EYS: variants seen among roughly 807,000 people sequenced by gnomAD.
EYS encodes EGF-like photoreceptor maintenance factor.
EYS carries 250 observed loss-of-function variants against 282.1 expected under a neutral mutation model. The observed-to-expected ratio is 0.89, with a 90% confidence interval of 0.80 to 0.98. EYS has a LOEUF of 0.98. Ranked by LOEUF, EYS falls within the 50% of genes least tolerant of loss-of-function variation. The probability of loss-of-function intolerance (pLI) is 0.00; values close to 1 mark genes in which losing one functional copy is unlikely to be tolerated. For missense variants in EYS, 4,016 were observed against 3,709.0 expected (o/e 1.08, Z -2.15); for synonymous variants, 1,355 against 1,282.9 (o/e 1.06, Z -1.20).
intron 26 of EYS, among the ~76,000 whole-genome samples, chr6:64,570,770 C>G (rs977717952): frequency 2.0e-5 from 3 of 152,054 alleles, no homozygotes; most frequent in Non-Finnish European, 4.4e-5. Flanking sequence ...TACAGGAGCA[C>G]CAGATCCATA....
At chr6:65,376,572 A>G (rs985878628) in intron 8 of EYS, among the ~76,000 whole-genome samples, 2 of 152,184 alleles carry the variant, frequency 1.3e-5, no homozygotes, top group Non-Finnish European at 2.9e-5. Flanking sequence ...ATTCAAAGAC[A>G]CAGAATGGCA....
At chr6:65,694,642 G>A (rs1256152639) in intron 1 of EYS, among the ~76,000 whole-genome samples, 2 of 148,804 alleles carry the variant, frequency 1.3e-5, no homozygotes, top group Non-Finnish European at 3.0e-5. Context: ...TGGAATCCCA[G>A]ACCCAACACT....
At chr6:64,331,295 C>G (rs1026935282) in intron 29 of EYS, among the ~76,000 whole-genome samples, 8 of 152,114 alleles carry the variant, frequency 5.3e-5, no homozygotes, top group Non-Finnish European at 4.4e-5. Context: ...GGAAATAGAG[C>G]AGCTCTTAGA....
At chr6:65,108,349 G>A (rs1449785814) in intron 12 of EYS, among the ~76,000 whole-genome samples, 1 of 152,126 alleles carries the variant, frequency 6.6e-6, no homozygotes, top group Non-Finnish European at 1.5e-5. Context: ...TCAGGCTGGA[G>A]TGCAGTGGCT....
At chr6:63,821,059 C>A (rs950853880) in intron 36 of EYS, among the ~76,000 whole-genome samples, 1 of 151,854 alleles carries the variant, frequency 6.6e-6, no homozygotes, top group African/African-American at 2.4e-5. Flanking sequence ...TGAATTATAT[C>A]TTCTCATCTG....
At chr6:65,405,561 G>A (rs1766701585) in intron 5 of EYS, among the ~76,000 whole-genome samples, 194 bp from the exon 6 acceptor site, 1 of 152,012 alleles carries the variant, frequency 6.6e-6, no homozygotes, top group South Asian at 2.1e-4. Flanking sequence ...TTTTGCAAAT[G>A]TATAGAGCTA....
intron 31 of EYS, among the ~76,000 whole-genome samples, chr6:64,120,770 A>G (rs1242031859): frequency 6.6e-6 from 1 of 152,140 alleles, no homozygotes; most frequent in African/African-American, 2.4e-5. Flanking sequence ...TGAGTACATT[A>G]GTTTTCTGTT....
At chr6:64,891,208 A>C (rs915802500) in intron 18 of EYS, among the ~76,000 whole-genome samples, 2 of 152,020 alleles carry the variant, frequency 1.3e-5, no homozygotes, top group African/African-American at 2.4e-5. Context: ...CCCTGGTGAA[A>C]CAGTTTACAG....
intron 12 of EYS, among the ~76,000 whole-genome samples, chr6:65,134,806 C>T (rs1775977536): frequency 6.6e-6 from 1 of 151,924 alleles, no homozygotes; most frequent in South Asian, 2.1e-4. Flanking sequence ...TTAGGAATGG[C>T]AAATTACATT....
At chr6:65,101,372 A>T (rs1235182993) in intron 12 of EYS, among the ~76,000 whole-genome samples, 1 of 151,316 alleles carries the variant, frequency 6.6e-6, no homozygotes, top group Non-Finnish European at 1.5e-5. Flanking sequence ...AGAGCAAATT[A>T]ACTTTTAGAA....
rs1765231493 is a variant in EYS at position 64,831,942 on chromosome 6, A to G, written c.2993-9120T>C. On this transcript the variant is annotated intron_variant, in intron 19 of 42. Transcript: ENST00000503581. ...TGTGAAATGAGGCGTGTGTTTAATT[A>G]GGCAACTATGTTGAGAGCTTTGGAA... 2.0e-5 allele frequency among the ~76,000 whole-genome samples: 3 copies of G among 151,942 alleles called. No individual in the cohort carries two copies. In the South Asian group the frequency reaches 6.2e-4, roughly 31 times the overall value.
intron 29 of EYS, among the ~76,000 whole-genome samples, chr6:64,320,204 T>A (rs1297355260): frequency 4.6e-5 from 7 of 152,080 alleles, no homozygotes; most frequent in Non-Finnish European, 8.8e-5. Context: ...TTATTAAGAT[T>A]ATTAGATATA....
At chr6:63,938,157 G>A (rs1765127830) in intron 35 of EYS, among the ~76,000 whole-genome samples, 1 of 152,144 alleles carries the variant, frequency 6.6e-6, no homozygotes, top group Non-Finnish European at 1.5e-5. Context: ...GAAGTAGAAA[G>A]GAAATAGGAA....
chr6:65,102,146 T>C lies in EYS; in HGVS notation c.2024-44419A>G, dbSNP rs114607778. On this transcript the variant is annotated intron_variant, in intron 12 of 42. Coordinates refer to ENST00000503581, the MANE Select transcript of EYS (RefSeq NM_001142800.2). The stretch of plus-strand genomic sequence containing the variant: ...CATAGAAAAAACTATCTTTGAAACA[T>C]AGCAGTACAATTAGACTTAAGCAAA... Among the ~76,000 whole-genome samples the C allele has an allele frequency of 7.5e-3, 1,136 of 151,478 alleles. 22 individuals are homozygous for C. The highest frequency in any genetic ancestry group is 0.024 in the African/African-American group (1,015 of 41,488).
chr6:64,210,528 C>A (rs1765731544), intron 31 of EYS, among the ~76,000 whole-genome samples: 1 of 152,108 alleles, frequency 6.6e-6, no homozygotes, highest in Non-Finnish European at 1.5e-5. Context: ...TTGACTTCAT[C>A]ACCTCTTTAA....
chr6:65,494,474 G>A (rs894865423), intron 4 of EYS, among the ~76,000 whole-genome samples, 189 bp downstream of exon 4: 1 of 151,614 alleles, frequency 6.6e-6, no homozygotes, highest in South Asian at 2.1e-4. Flanking sequence ...GTAGAGACGG[G>A]GTTTCACCGT....
chr6:65,634,368 C>G (rs1767018516), intron 2 of EYS, among the ~76,000 whole-genome samples: 1 of 152,108 alleles, frequency 6.6e-6, no homozygotes, highest in Non-Finnish European at 1.5e-5. Flanking sequence ...ATTCAAATGT[C>G]CTGTCATTTA....
intron 28 of EYS, among the ~76,000 whole-genome samples, chr6:64,418,582 A>G (rs182951336): frequency 7.9e-5 from 12 of 152,296 alleles, no homozygotes; most frequent in Non-Finnish European, 1.6e-4. Context: ...CTGTCATAAA[A>G]TCACAGGGAG....
chr6:64,747,579 C>T (rs1411352890), intron 22 of EYS, among the ~76,000 whole-genome samples: 1 of 152,068 alleles, frequency 6.6e-6, no homozygotes, highest in Admixed American at 6.6e-5. Flanking sequence ...CAGGTTTCAC[C>T]ATGTTGGCCA....
Sources: allele counts gnomAD v4.1 joint callset (sites outside exome capture counted in the v4.1 genomes callset), GRCh38; gene constraint gnomAD v4.1.1; transcripts MANE v1.5; gene names NCBI Gene and HGNC (gene_info 2026-07-23, HGNC 2026-07-21).